The following TMEM132D variants were observed in gnomAD, a reference collection of about 807,000 sequenced individuals.
The protein encoded by TMEM132D is transmembrane protein 132D.
A neutral mutation model predicts 62.3 loss-of-function variants in TMEM132D; 21 were observed. That is an observed-to-expected ratio of 0.34 (90% confidence interval 0.24 to 0.49). The LOEUF is 0.49. Among genes scored for constraint, TMEM132D ranks in the 20% least tolerant of loss-of-function variants. TMEM132D has a pLI of 0.99. For missense variants in TMEM132D, 1,346 were observed against 1,402.8 expected (o/e 0.96, Z 0.65); for synonymous variants, 621 against 575.6 (o/e 1.08, Z -1.13).
intron 5 of TMEM132D, among the ~76,000 whole-genome samples, chr12:129,165,279 CTGTT>C (rs574811879): frequency 1.3e-3 from 191 of 152,262 alleles, no homozygotes; most frequent in Non-Finnish European, 1.6e-3. Context: ...ATCTGGATGA[CTGTT>C]TGGGTTGCAA....
chr12:129,249,477 C>T (rs948454362), intron 4 of TMEM132D, among the ~76,000 whole-genome samples: 15 of 152,198 alleles, frequency 9.9e-5, no homozygotes, highest in African/African-American at 1.4e-4. Flanking sequence ...ACAGAGAACA[C>T]GCAGTGAGGG....
intron 3 of TMEM132D, among the ~76,000 whole-genome samples, chr12:129,457,466 G>T (rs371248044): frequency 6.7e-6 from 1 of 148,898 alleles, no homozygotes; most frequent in Non-Finnish European, 1.5e-5. Flanking sequence ...GGAGAGGGAT[G>T]GCATTAGGAG....
chr12:129,732,174 G>T (rs1421308866), intron 1 of TMEM132D, among the ~76,000 whole-genome samples: 1 of 152,148 alleles, frequency 6.6e-6, no homozygotes, highest in Non-Finnish European at 1.5e-5. Flanking sequence ...CCCTTCCTCA[G>T]ATCGCATGGG....
At chr12:129,237,303 T>G (rs1385505216) in intron 4 of TMEM132D, among the ~76,000 whole-genome samples, 1 of 152,168 alleles carries the variant, frequency 6.6e-6, no homozygotes, top group African/African-American at 2.4e-5. Flanking sequence ...TACAATAATC[T>G]CTTTCCTAAG....
chr12:129,623,827 A>C (rs915131412), intron 2 of TMEM132D, among the ~76,000 whole-genome samples: 2 of 151,826 alleles, frequency 1.3e-5, no homozygotes, highest in Admixed American at 6.6e-5. Flanking sequence ...ATGGACACTT[A>C]AGTTGATTCC....
chr12:129,867,026 T>C lies in TMEM132D; in HGVS notation c.79+36235A>G, dbSNP rs1036507207. On this transcript the variant is annotated intron_variant, in intron 1 of 8. Coordinates refer to ENST00000422113, the MANE Select transcript of TMEM132D (RefSeq NM_133448.3). The surrounding 1 kb of genome is among the most constrained non-coding windows in gnomAD (Gnocchi z 4.5). ...ACCTTGCGAAGCTGAGGCAGGCAGATGGCCTGAGCTCAGGAGTTGGAGACC... is the reference window on the plus strand; with the variant it reads ...ACCTTGCGAAGCTGAGGCAGGCAGACGGCCTGAGCTCAGGAGTTGGAGACC... 2.0e-5 allele frequency among the ~76,000 whole-genome samples: 3 copies of C among 151,954 alleles called. No individual in the cohort carries two copies. Among genetic ancestry groups the C allele is most frequent in the African/African-American group, 7.3e-5 (3 of 41,344 alleles).
intron 2 of TMEM132D, among the ~76,000 whole-genome samples, chr12:129,676,157 CT>C (rs1218011918): frequency 6.6e-6 from 1 of 152,148 alleles, no homozygotes; most frequent in Non-Finnish European, 1.5e-5. Context: ...AGGCAAACCG[CT>C]GAATTTCAGG....
intron 4 of TMEM132D, among the ~76,000 whole-genome samples, chr12:129,334,522 G>C (rs1869213492): frequency 1.3e-5 from 2 of 152,184 alleles, no homozygotes; most frequent in African/African-American, 4.8e-5. Context: ...CAATACAAAA[G>C]GTAGATCAGA....
intron 1 of TMEM132D, among the ~76,000 whole-genome samples, chr12:129,800,832 C>G (rs898312166): frequency 1.3e-5 from 2 of 152,130 alleles, no homozygotes; most frequent in Non-Finnish European, 2.9e-5. Context: ...GAGTGCCAGA[C>G]AGTGGGCACA....
intron 1 of TMEM132D, among the ~76,000 whole-genome samples, chr12:129,768,564 G>C (rs536150349): frequency 1.4e-4 from 21 of 152,190 alleles, no homozygotes; most frequent in Admixed American, 1.2e-3. Flanking sequence ...ATTGAAAACA[G>C]AATCACCTCT....
intron 3 of TMEM132D, among the ~76,000 whole-genome samples, chr12:129,446,716 G>C (rs912509735): frequency 1.8e-4 from 28 of 152,138 alleles, no homozygotes; most frequent in African/African-American, 6.0e-4. Flanking sequence ...GATTAAAAGA[G>C]GGAAATTAAG....
chr12:129,697,682 G>A (rs1881239548), intron 2 of TMEM132D, among the ~76,000 whole-genome samples: 2 of 152,290 alleles, frequency 1.3e-5, no homozygotes, highest in South Asian at 2.1e-4. Context: ...ACCTGTGAGT[G>A]GAGCCACCAA....
intron 5 of TMEM132D, among the ~76,000 whole-genome samples, chr12:129,162,259 A>G (rs1877420097): frequency 6.6e-6 from 1 of 152,188 alleles, no homozygotes; most frequent in African/African-American, 2.4e-5. Flanking sequence ...GCACTGAGGA[A>G]AGACCCTGTG....
chr12:129,592,126 A>G (rs1878205595), intron 2 of TMEM132D, among the ~76,000 whole-genome samples: 1 of 152,232 alleles, frequency 6.6e-6, no homozygotes, highest in African/African-American at 2.4e-5. Context: ...CACTGATTAT[A>G]AGACATGTCT....
At chr12:129,172,882 T>G (rs1228598356) in intron 5 of TMEM132D, among the ~76,000 whole-genome samples, 1 of 152,250 alleles carries the variant, frequency 6.6e-6, no homozygotes, top group Middle Eastern at 3.4e-3. Context: ...CGGCCTGGCC[T>G]CATTTCAATA....
At chr12:129,542,690 A>T (rs977700457) in intron 2 of TMEM132D, among the ~76,000 whole-genome samples, 1 of 152,188 alleles carries the variant, frequency 6.6e-6, no homozygotes, top group African/African-American at 2.4e-5. Context: ...ATATATGTAT[A>T]TGTAGGTATA....
At chr12:129,536,892 C>T (rs12425089) in intron 2 of TMEM132D, among the ~76,000 whole-genome samples, 34,643 of 152,122 alleles carry the variant, frequency 0.23, 4,997 homozygotes, top group African/African-American at 0.4. Flanking sequence ...CGCGGTAGCT[C>T]ACGCCTGTAA....
chr12:129,120,519 G>A (rs1376267677), intron 5 of TMEM132D, among the ~76,000 whole-genome samples: 5 of 152,126 alleles, frequency 3.3e-5, no homozygotes, highest in African/African-American at 9.7e-5. Context: ...TCAAAAGCAC[G>A]AAGGTTATGA....
At chr12:129,437,749 T>G (rs1436331791) in intron 3 of TMEM132D, among the ~76,000 whole-genome samples, 1 of 152,112 alleles carries the variant, frequency 6.6e-6, no homozygotes, top group Non-Finnish European at 1.5e-5. Context: ...TTTTCTTTTT[T>G]TAAATTATAC....
Sources: allele counts gnomAD v4.1 joint callset (sites outside exome capture counted in the v4.1 genomes callset), GRCh38; gene constraint gnomAD v4.1.1; non-coding constraint Gnocchi (gnomAD v3.1); transcripts MANE v1.5; gene names NCBI Gene and HGNC (gene_info 2026-07-23, HGNC 2026-07-21).